Variants in MAGI3 observed in about 807,000 individuals in gnomAD.
The protein encoded by MAGI3 is membrane associated guanylate kinase, WW and PDZ domain containing 3, also known as membrane-associated guanylate kinase, WW and PDZ domain-containing protein 3.
A neutral mutation model predicts 121.8 loss-of-function variants in MAGI3; 43 were observed. The ratio of observed to expected loss-of-function variants is 0.35; its 90% confidence interval spans 0.28 to 0.46. The LOEUF is 0.46. MAGI3 is among the 20% of genes least tolerant of loss of function. MAGI3 has a pLI of 1.00. For missense variants in MAGI3, 1,547 were observed against 1,797.3 expected, an observed-to-expected ratio of 0.86 and a Z score of 2.52; for synonymous variants, 553 against 639.3, an observed-to-expected ratio of 0.86 and a Z score of 2.04.
chr1:113,438,422 T>G (rs905735164), intron 1 of MAGI3, among the ~76,000 whole-genome samples: 1 of 152,216 alleles, frequency 6.6e-6, no homozygotes, highest in Non-Finnish European at 1.5e-5. Context: ...TAAGCACTTA[T>G]CACATACTAT....
intron 9 of MAGI3, 111 bp downstream of exon 9, chr1:113,623,105 G>A: frequency 1.4e-6 from 1 of 734,580 alleles, no homozygotes; most frequent in Non-Finnish European, 2.0e-6. Context: ...TATAACTAAA[G>A]AAAGAGATTC....
At chr1:113,525,216 C>A (rs1427730509) in intron 1 of MAGI3, among the ~76,000 whole-genome samples, 1 of 152,190 alleles carries the variant, frequency 6.6e-6, no homozygotes. Context: ...TTCACAATTT[C>A]CCAATTGTTC....
chr1:113,658,945 C>T lies in MAGI3; in HGVS notation c.2630-135C>T, dbSNP rs1653629214. 11 of 734,722 alleles carry T rather than the reference C, an allele frequency of 1.5e-5. No homozygotes were observed. Among genetic ancestry groups the T allele is most frequent in the South Asian group, 5.6e-5 (3 of 53,742 alleles). The allele number at this position is 734,722 out of a possible 1,614,324, so 45.5% of individuals were successfully genotyped here. A position where few individuals can be genotyped will look rare whatever the true frequency, so the allele number is the denominator to read the frequency against. On this transcript the variant is annotated intron_variant, in intron 15 of 20. Coordinates refer to ENST00000307546, the MANE Select transcript of MAGI3 (RefSeq NM_001142782.2). This position sits in a 1 kb window ranked among gnomAD's most constrained non-coding sequence, Gnocchi z 4.0. ...TAGTTCCGTTTGGATGCGATGATGA[C>T]GTGTGGTACTTTTCTGTTATGTTTT...
chr1:113,497,325 C>A (rs1284412330), intron 1 of MAGI3, among the ~76,000 whole-genome samples: 1 of 125,268 alleles, frequency 8.0e-6, no homozygotes, highest in African/African-American at 2.8e-5. Flanking sequence ...CTAGGGAGTG[C>A]CAGACAGTGG....
chr1:113,614,295 A>G (rs977201775), intron 6 of MAGI3, among the ~76,000 whole-genome samples: 2 of 152,186 alleles, frequency 1.3e-5, no homozygotes, highest in African/African-American at 2.4e-5. Flanking sequence ...TTGTGTCAGC[A>G]TGATCAAGGT....
At chr1:113,513,061 C>G (rs374296584) in intron 1 of MAGI3, among the ~76,000 whole-genome samples, 1 of 152,076 alleles carries the variant, frequency 6.6e-6, no homozygotes, top group Non-Finnish European at 1.5e-5. Flanking sequence ...TAGGAATCCA[C>G]CTTACAAGGG....
At chr1:113,424,726 G>A (rs1198517094) in intron 1 of MAGI3, among the ~76,000 whole-genome samples, 2 of 152,146 alleles carry the variant, frequency 1.3e-5, no homozygotes, top group African/African-American at 4.8e-5. Context: ...GAATAAAGCT[G>A]GTATGAGCAT....
chr1:113,410,914 G>A (rs55737954), intron 1 of MAGI3, among the ~76,000 whole-genome samples: 23,200 of 152,000 alleles, frequency 0.15, 2,814 homozygotes, highest in East Asian at 0.63. Flanking sequence ...ATAGGATAGC[G>A]TCCTTTTATT....
At chr1:113,564,753 A>G (rs182375978) in intron 2 of MAGI3, among the ~76,000 whole-genome samples, 31 of 152,280 alleles carry the variant, frequency 2.0e-4, no homozygotes, top group African/African-American at 7.5e-4. Context: ...ATACCAAATA[A>G]AAATCATTTA....
At chr1:113,410,530 G>T (rs1462871043) in intron 1 of MAGI3, among the ~76,000 whole-genome samples, 1 of 151,996 alleles carries the variant, frequency 6.6e-6, no homozygotes, top group Non-Finnish European at 1.5e-5. Flanking sequence ...ATGTTACATT[G>T]TATCTTTCTG....
chr1:113,586,055 C>A (rs1041194914), intron 4 of MAGI3, among the ~76,000 whole-genome samples: 2 of 152,098 alleles, frequency 1.3e-5, no homozygotes, highest in African/African-American at 4.8e-5. Context: ...TGGATTCACT[C>A]AAAGAAAAAT....
chr1:113,535,795 G>A (rs1212844523), intron 1 of MAGI3, among the ~76,000 whole-genome samples: 1 of 151,982 alleles, frequency 6.6e-6, no homozygotes, highest in African/African-American at 2.4e-5. Flanking sequence ...TAAATTCAGA[G>A]CTCTTCTCTG....
At chr1:113,537,368 C>T (rs1024204563) in intron 1 of MAGI3, among the ~76,000 whole-genome samples, 1 of 152,168 alleles carries the variant, frequency 6.6e-6, no homozygotes, top group Non-Finnish European at 1.5e-5. Context: ...TCTGCCACAG[C>T]TCATACACTT....
chr1:113,625,225 G>T (rs1025515500), intron 9 of MAGI3, among the ~76,000 whole-genome samples: 2 of 152,100 alleles, frequency 1.3e-5, no homozygotes, highest in East Asian at 1.9e-4. Context: ...TTCTATTTCT[G>T]TGAAGAATGT....
At position 113,683,845 on chromosome 1, in the gene MAGI3, A is replaced by G. The variant is rs775030755; in HGVS notation, c.4277A>G (p.Asp1426Gly). ...AAGGTAGTTTCAAACAAAACAGAAG[A>G]TCACAAAGGGAAAGAACTAGAGGCA... ...EEKVVSNKTE[D>G]HKGKELEAAD... Residue 1426 changes from aspartate (D) to glycine (G), a missense_variant, in exon 21 of 21, where the codon GAT becomes GGT. Transcript: ENST00000307546. The G allele has an allele frequency of 3.1e-6, 5 of 1,612,462 alleles. No individual in the cohort carries two copies. The South Asian group carries it at 4.4e-5, about 14-fold the overall frequency.
At chr1:113,433,015 C>T (rs1653384025) in intron 1 of MAGI3, among the ~76,000 whole-genome samples, 1 of 152,002 alleles carries the variant, frequency 6.6e-6, no homozygotes, top group Non-Finnish European at 1.5e-5. Context: ...TCCATTTCTA[C>T]AAATAATAAT....
chr1:113,521,389 T>C (rs1403161777), intron 1 of MAGI3, among the ~76,000 whole-genome samples: 1 of 147,112 alleles, frequency 6.8e-6, no homozygotes, highest in Non-Finnish European at 1.5e-5. Flanking sequence ...CCTGGCCAGT[T>C]AGTGCTGTTT....
intron 6 of MAGI3, among the ~76,000 whole-genome samples, chr1:113,599,369 A>G (rs1234845143): frequency 6.6e-6 from 1 of 152,200 alleles, no homozygotes; most frequent in African/African-American, 2.4e-5. Context: ...TAGATGCAAT[A>G]AAAAATGATA....
intron 1 of MAGI3, among the ~76,000 whole-genome samples, chr1:113,433,655 G>C (rs959035050): frequency 1.3e-5 from 2 of 152,096 alleles, no homozygotes; most frequent in Non-Finnish European, 2.9e-5. Context: ...AATTTAAAAA[G>C]TAATAATAAT....
Sources: gnomAD v4.1 joint callset for allele counts (sites outside exome capture counted in the v4.1 genomes callset) on GRCh38, gnomAD v4.1.1 for gene constraint, Gnocchi (gnomAD v3.1) non-coding constraint, MANE v1.5 for transcripts, NCBI Gene and HGNC (gene_info 2026-07-23, HGNC 2026-07-21) for gene names.